Variants in USP9Y observed in about 807,000 individuals in gnomAD.
USP9Y encodes ubiquitin carboxyl-terminal hydrolase 9Y.
Under a neutral mutation model 53.1 loss-of-function variants are expected in USP9Y, and 41 were observed. That is an observed-to-expected ratio of 0.77 (90% confidence interval 0.60 to 1.00). The LOEUF (loss-of-function observed/expected upper bound fraction) is 1.00. USP9Y is among the 50% of genes least tolerant of loss of function. The pLI is 0.00. For synonymous variants in USP9Y, 220 were observed against 173.7 expected (o/e 1.27, Z -2.09); for missense variants, 567 against 535.8 (o/e 1.06, Z -0.58).
chrY:12,737,411 G>A (rs2053452828), intron 10 of USP9Y, among the ~76,000 whole-genome samples: 1 of 33,157 alleles, frequency 3.0e-5, no homozygotes, highest in Non-Finnish European at 7.4e-5. Context: ...TTGCATAGTG[G>A]AGATCATTTC....
intron 18 of USP9Y, 44 bp downstream of exon 18, chrY:12,775,610 A>T: frequency 3.9e-6 from 1 of 257,174 alleles, no homozygotes; most frequent in Non-Finnish European, 6.2e-6. Context: ...AATTGGGTTA[A>T]GTTGTTGGGT....
chrY:12,795,932 G>A, intron 27 of USP9Y, among the ~76,000 whole-genome samples: 1 of 33,572 alleles, frequency 3.0e-5, no homozygotes. Context: ...TTTGTGACCT[G>A]CATTTTGTGT....
At chrY:12,733,064 G>A (rs2053448347) in intron 7 of USP9Y, among the ~76,000 whole-genome samples, 1 of 29,018 alleles carries the variant, frequency 3.4e-5, no homozygotes, top group Admixed American at 3.2e-4. Context: ...GATTACAGAC[G>A]TGCACCACCA....
chrY:12,770,546 T>C, intron 15 of USP9Y, among the ~76,000 whole-genome samples: 2 of 33,801 alleles, frequency 5.9e-5, no homozygotes, highest in Non-Finnish European at 1.5e-4. Context: ...CCAACACAAG[T>C]ATTTATAATC....
At chrY:12,762,566 T>A in intron 15 of USP9Y, among the ~76,000 whole-genome samples, 1 of 33,917 alleles carries the variant, frequency 2.9e-5, no homozygotes, top group Admixed American at 2.7e-4. Context: ...TAAACTGCTA[T>A]AAAGTTTATA....
In USP9Y at chrY:12,837,346, A is replaced by C; in HGVS notation, c.5196-565A>C. ...TTTTGGGGTGATTCAGGTGTCTTAC[A>C]TTTACTGTGCCCTTTATTTCTGTTA... On this transcript the variant is annotated intron_variant, in intron 34 of 45. Coordinates refer to ENST00000338981, the MANE Select transcript of USP9Y (RefSeq NM_004654.4). Among the ~76,000 whole-genome samples, 4 of 31,724 alleles carry C rather than the reference A, an allele frequency of 1.3e-4. No individual in the cohort carries two copies. In the South Asian group the frequency reaches 2.9e-3, roughly 23 times the overall value. 85.1% of individuals were successfully genotyped at this position (31,724 alleles called of 37,273 possible).
chrY:12,769,013 C>G (rs2053482860), intron 15 of USP9Y, among the ~76,000 whole-genome samples: 2 of 32,311 alleles, frequency 6.2e-5, no homozygotes, highest in African/African-American at 2.4e-4. Context: ...ACACATAAAC[C>G]AACCCCATGC....
Position 12,760,498 on chromosome Y carries a change from G to C in USP9Y, c.1781G>C (p.Ser594Thr), listed in dbSNP as rs749669706. ...ASQNLSQTQR[S>T]PHIFYRHDLI... ...TCTTATTTCAGTCAAACTCAGCGAAGTCCCCACATATTTTATCGCCATGAT... is the reference window on the plus strand; with the variant it reads ...TCTTATTTCAGTCAAACTCAGCGAACTCCCCACATATTTTATCGCCATGAT... The change falls in exon 15 of 46, where the codon AGT (serine) becomes ACT (threonine). Residue 594 changes from serine to threonine, a missense_variant. Transcript: ENST00000338981. 5.0e-6 allele frequency: 2 copies of C among 398,096 alleles called. No homozygotes were observed. Among genetic ancestry groups the C allele is most frequent in the Non-Finnish European group, 7.1e-6 (2 of 283,044 alleles).
At chrY:12,762,239 A>G in intron 15 of USP9Y, among the ~76,000 whole-genome samples, 1 of 33,402 alleles carries the variant, frequency 3.0e-5, no homozygotes, top group South Asian at 6.7e-4. Context: ...AGGCTCTCCC[A>G]GATGCCAATG....
At chrY:12,772,323 C>T (rs2053486514) in intron 16 of USP9Y, among the ~76,000 whole-genome samples, 1 of 32,898 alleles carries the variant, frequency 3.0e-5, no homozygotes, top group Non-Finnish European at 7.4e-5. Context: ...CAGACATTTA[C>T]ACTGAAACGT....
chrY:12,772,712 C>T (rs113809426), intron 16 of USP9Y, among the ~76,000 whole-genome samples: 2,312 of 22,490 alleles, frequency 0.1, no homozygotes, highest in Non-Finnish European at 0.17. Context: ...TTGCTGTGAG[C>T]CAAGATTGTG....
intron 15 of USP9Y, among the ~76,000 whole-genome samples, chrY:12,769,401 T>G (rs2053483464): frequency 2.9e-5 from 1 of 34,117 alleles, no homozygotes; most frequent in Non-Finnish European, 7.3e-5. Context: ...AGATTTTGCT[T>G]CTAATTGAAG....
In USP9Y at chrY:12,859,547, C is replaced by T; in HGVS notation, c.*131C>T. On this transcript the variant is annotated 3_prime_UTR_variant, in exon 46 of 46. Transcript: ENST00000338981. Reference sequence around the variant, plus strand: ...CAACATGGAGTAAAGAGCATATTCACTGGTTTATTTGCAGTAATTTGCAAT... The same window carrying T: ...CAACATGGAGTAAAGAGCATATTCATTGGTTTATTTGCAGTAATTTGCAAT... 2 of 225,067 alleles carry T rather than the reference C, an allele frequency of 8.9e-6. No individual in the cohort carries two copies. Among genetic ancestry groups the T allele is most frequent in the Non-Finnish European group, 1.5e-5 (2 of 137,618 alleles). 56.1% of individuals were successfully genotyped at this position (225,067 alleles called of 400,897 possible). A position where few individuals can be genotyped will look rare whatever the true frequency, so the allele number is the denominator to read the frequency against.
chrY:12,828,031 A>G (rs1009932311), intron 33 of USP9Y, among the ~76,000 whole-genome samples: 1 of 32,769 alleles, frequency 3.1e-5, no homozygotes, highest in Admixed American at 2.8e-4. Flanking sequence ...GATCTATTAA[A>G]TGTATTCATT....
chrY:12,778,033 A>G lies in USP9Y; in HGVS notation c.2654A>G (p.Lys885Arg). 2.5e-6 allele frequency: 1 copy of G among 395,203 alleles called. No homozygotes were observed. The highest frequency in any genetic ancestry group is 3.1e-5 in the South Asian group (1 of 32,687). The stretch of plus-strand genomic sequence containing the variant: ...TTATTTTTCAGAGCATTTCGTGGCA[A>G]ACACCTCTCTCTTATAGTTCGGTTT... ...ILPMSRAFRG[K>R]HLSLIVRFPN... is the part of the protein sequence containing the mutation. Residue 885 changes from lysine to arginine, a missense_variant, in exon 20 of 46, where the codon AAA (lysine) becomes AGA (arginine). By Grantham distance (26) the Lys-to-Arg change is conservative. Transcript: ENST00000338981.
intron 30 of USP9Y, among the ~76,000 whole-genome samples, chrY:12,812,403 A>G: frequency 3.0e-5 from 1 of 32,797 alleles, no homozygotes; most frequent in Non-Finnish European, 7.5e-5. Flanking sequence ...ATAAATCTCA[A>G]TTTTTCTTGA....
At chrY:12,785,405 G>A in intron 22 of USP9Y, among the ~76,000 whole-genome samples, 1 of 33,027 alleles carries the variant, frequency 3.0e-5, no homozygotes, top group Non-Finnish European at 7.5e-5. Flanking sequence ...CTCATCTGTT[G>A]ATGGACAGTA....
intron 12 of USP9Y, among the ~76,000 whole-genome samples, chrY:12,744,362 C>T (rs2053459450): frequency 5.9e-5 from 2 of 33,817 alleles, no homozygotes; most frequent in Non-Finnish European, 1.5e-4. Flanking sequence ...AAGCCCCTCA[C>T]CTCCCTGTGT....
chrY:12,838,381 T>G, intron 35 of USP9Y, among the ~76,000 whole-genome samples: 1 of 34,075 alleles, frequency 2.9e-5, no homozygotes, highest in African/African-American at 1.1e-4. Flanking sequence ...CATTATTTTC[T>G]TACTCTAGTT....
Sources: gnomAD v4.1 joint callset for allele counts (sites outside exome capture counted in the v4.1 genomes callset) on GRCh38, gnomAD v4.1.1 for gene constraint, MANE v1.5 for transcripts, NCBI Gene and HGNC (gene_info 2026-07-23, HGNC 2026-07-21) for gene names.